The following GBP7 variants were observed in gnomAD, a reference collection of about 807,000 sequenced individuals.
GBP7 encodes the protein guanylate-binding protein 7.
A neutral mutation model predicts 61.3 loss-of-function variants in GBP7; 43 were observed. The ratio of observed to expected loss-of-function variants is 0.70; its 90% CI spans 0.55 to 0.91. GBP7 has a LOEUF of 0.91. Among genes scored for constraint, GBP7 ranks in the 40% least tolerant of loss-of-function variants. GBP7 has a pLI of 0.00. For synonymous variants in GBP7, 267 were observed against 271.0 expected, an observed-to-expected ratio of 0.99 and a Z score of 0.14; for missense variants, 717 against 740.5, an observed-to-expected ratio of 0.97 and a Z score of 0.37.
In GBP7 at chr1:89,174,467, G is replaced by A. The variant is rs534011562; in HGVS notation, c.-20+1454C>T. 3.9e-5 allele frequency among the ~76,000 whole-genome samples: 6 copies of A among 152,220 alleles called. No homozygotes were observed. The South Asian group carries it at 1.2e-3, about 32-fold the overall frequency. On this transcript the variant is annotated intron_variant, in intron 1 of 10. Transcript: ENST00000294671. The stretch of plus-strand genomic sequence containing the variant: ...AAAATTTCCTTTGGAAGCTTTTCAC[G>A]TTCACATTTAGATCTTTGGACTGAG...
At chr1:89,174,139 T>C (rs753303886) in intron 1 of GBP7, among the ~76,000 whole-genome samples, 86 of 152,228 alleles carry the variant, frequency 5.6e-4, no homozygotes, top group Non-Finnish European at 9.8e-4. Context: ...ATTCAATCAC[T>C]CTTCAATGTA....
At position 89,148,205 on chromosome 1, in the gene GBP7, G is replaced by A. The variant is rs12755980; in HGVS notation, c.1153-426C>T. Among the ~76,000 whole-genome samples, 56 of 152,312 alleles carry A rather than the reference G, an allele frequency of 3.7e-4. 6 individuals are homozygous for A. Among genetic ancestry groups the A allele is most frequent in the Admixed American group, 9.2e-4 (14 of 15,290 alleles). ...ATTCTTCCAAAAAGGATCTTAAAAT[G>A]TGAAGATATGGGAACATTATTATCT... On this transcript the variant is annotated intron_variant, in intron 7 of 10. Transcript: ENST00000294671.
intron 7 of GBP7, 30 bp downstream of exon 7, chr1:89,149,262 A>C: frequency 6.4e-7 from 1 of 1,567,580 alleles, no homozygotes. Context: ...AAAGGCAGGA[A>C]TCAAGAAAAA....
intron 2 of GBP7, among the ~76,000 whole-genome samples, chr1:89,165,125 T>G (rs1435905352): frequency 6.6e-6 from 1 of 152,220 alleles, no homozygotes; most frequent in Non-Finnish European, 1.5e-5. Flanking sequence ...TGCTATGGTC[T>G]GAAGTTAGTC....
chr1:89,154,113 A>C (rs1682262197), intron 3 of GBP7, among the ~76,000 whole-genome samples: 1 of 152,214 alleles, frequency 6.6e-6, no homozygotes, highest in Non-Finnish European at 1.5e-5. Flanking sequence ...AAGGCCAACA[A>C]GTAATTTTGC....
Position 89,141,998 on chromosome 1 carries a change from C to T in GBP7, c.1366-350G>A, listed in dbSNP as rs534895751. 2.4e-4 allele frequency among the ~76,000 whole-genome samples: 36 copies of T among 152,272 alleles called. 1 individual carries two copies. The South Asian group carries it at 7.5e-3, about 32-fold the overall frequency. ...TTTCTTTTTTCTTTTGCCTGAAGGC[C>T]TGCCTACCCTTTTCAAATTAGGATA... is the stretch of plus-strand genomic sequence containing the variant. On this transcript the variant is annotated intron_variant, in intron 8 of 10. Coordinates refer to ENST00000294671, the MANE Select transcript of GBP7 (RefSeq NM_207398.3).
Position 89,173,568 on chromosome 1 carries a change from G to C in GBP7, c.-19-1614C>G, listed in dbSNP as rs374043949. Among the ~76,000 whole-genome samples, 19 of 152,146 alleles carry C rather than the reference G, an allele frequency of 1.2e-4. 2 individuals carry two copies. The highest frequency in any genetic ancestry group is 1.2e-3 in the East Asian group (6 of 5,192). The stretch of plus-strand genomic sequence containing the variant: ...TTACTTCCTATAGAAAATTATTAGT[G>C]TACAGTTCTTTTGGTCTTTAGCCTT... On this transcript the variant is annotated intron_variant, in intron 1 of 10. Transcript: ENST00000294671.
intron 5 of GBP7, 129 bp from the exon 6 acceptor site, chr1:89,150,704 A>G: frequency 1.1e-6 from 1 of 932,432 alleles, no homozygotes; most frequent in Non-Finnish European, 1.6e-6. Context: ...TATGTAATCA[A>G]ACCTCTCATG....
chr1:89,152,663 G>C lies in GBP7; in HGVS notation c.428+5C>G, dbSNP rs146370299. On this transcript the variant is annotated splice_donor_5th_base_variant and intron_variant, in intron 4 of 10. Coordinates refer to ENST00000294671, the MANE Select transcript of GBP7 (RefSeq NM_207398.3). ...AACCTGGCTCTTCACTTCCTGGAAGGATACTGCAGCTGCTCCAGGGCCTGG... is the reference window on the plus strand; with the variant it reads ...AACCTGGCTCTTCACTTCCTGGAAGCATACTGCAGCTGCTCCAGGGCCTGG... 8 of 1,610,460 alleles carry C rather than the reference G, an allele frequency of 5.0e-6. No homozygotes were observed. Among genetic ancestry groups the C allele is most frequent in the Non-Finnish European group, 6.8e-6 (8 of 1,178,804 alleles).
At chr1:89,173,917 C>T in intron 1 of GBP7, among the ~76,000 whole-genome samples, 1 of 152,186 alleles carries the variant, frequency 6.6e-6, no homozygotes, top group African/African-American at 2.4e-5. Context: ...TCCCACCCAT[C>T]CTCCATAGAT....
intron 1 of GBP7, among the ~76,000 whole-genome samples, chr1:89,173,545 A>G (rs1647662448): frequency 6.6e-6 from 1 of 152,202 alleles, no homozygotes; most frequent in Non-Finnish European, 1.5e-5. Context: ...AAATAAATTT[A>G]CTTCCTATAG....
In GBP7 at chr1:89,149,400, T is replaced by C; in HGVS notation, c.1044A>G (p.Thr348=). ...MAQQVRFPTD[T]LQELLDVHAV... Reference sequence around the variant, plus strand: ...CATGCACGTCCAGCAGCTCCTGGAGTGTGTCTGTGGGGAATCTCACTTGCT... The same window carrying C: ...CATGCACGTCCAGCAGCTCCTGGAGCGTGTCTGTGGGGAATCTCACTTGCT... Residue 348 remains threonine (T), a synonymous_variant, in exon 7 of 11, where the codon ACA becomes ACG. Transcript: ENST00000294671. 1.2e-6 allele frequency: 2 copies of C among 1,613,844 alleles called. No homozygotes were observed. The highest frequency in any genetic ancestry group is 1.7e-6 in the Non-Finnish European group (2 of 1,179,948).
chr1:89,147,606 A>G lies in GBP7; in HGVS notation c.1326T>C (p.Ile442=). The G allele has an allele frequency of 6.2e-7, 1 of 1,614,094 alleles. No individual in the cohort carries two copies. Among genetic ancestry groups the G allele is most frequent in the Non-Finnish European group, 8.5e-7 (1 of 1,179,966 alleles). The change falls in exon 8 of 11, where the codon ATT becomes ATC. Residue 442 remains isoleucine, a synonymous_variant. Transcript: ENST00000294671. ...TGGGCACTAGTGTATAGTCCTGTTCAATCTTCTTTTTTGCTTCTAAGTAGA... is the reference window on the plus strand; with the variant it reads ...TGGGCACTAGTGTATAGTCCTGTTCGATCTTCTTTTTTGCTTCTAAGTAGA... ...HNIYLEAKKK[I]EQDYTLVPRK... is the part of the protein sequence containing the mutation.
chr1:89,174,951 A>G (rs1647700827), intron 1 of GBP7, among the ~76,000 whole-genome samples: 2 of 152,192 alleles, frequency 1.3e-5, no homozygotes, highest in South Asian at 4.1e-4. Flanking sequence ...TAGCATATGC[A>G]CAATTGTAAT....
chr1:89,142,175 TTAAAACC>T (rs1461474961), intron 8 of GBP7, among the ~76,000 whole-genome samples: 1 of 151,410 alleles, frequency 6.6e-6, no homozygotes, highest in Non-Finnish European at 1.5e-5. Context: ...ATTTAAAAAG[TTAAAACC>T]TTAAAAAGAC....
chr1:89,173,285 T>C (rs1040982254), intron 1 of GBP7, among the ~76,000 whole-genome samples: 19 of 152,232 alleles, frequency 1.2e-4, no homozygotes, highest in African/African-American at 4.6e-4. Context: ...AAGAAATATA[T>C]GTATGTATAC....
chr1:89,147,309 A>G (rs1387621646), intron 8 of GBP7, among the ~76,000 whole-genome samples: 3 of 152,264 alleles, frequency 2.0e-5, no homozygotes, highest in African/African-American at 7.2e-5. Context: ...CACAAAAACT[A>G]TCACATTATT....
intron 3 of GBP7, among the ~76,000 whole-genome samples, chr1:89,155,117 A>G (rs571507876): frequency 2.6e-5 from 4 of 152,380 alleles, no homozygotes; most frequent in Admixed American, 1.3e-4. Flanking sequence ...AGCAAACTCC[A>G]ACAGACCTGC....
In GBP7 at chr1:89,150,585, T is replaced by C. The variant is rs150206605; in HGVS notation, c.626-10A>G. ...ATTTGGGGATTCTTGCCTGCAGAATTAGTGAAAAAGTGACTACTGAAGAAC... is the reference window on the plus strand; with the variant it reads ...ATTTGGGGATTCTTGCCTGCAGAATCAGTGAAAAAGTGACTACTGAAGAAC... On this transcript the variant is annotated splice_polypyrimidine_tract_variant and intron_variant, in intron 5 of 10. Coordinates refer to ENST00000294671, the MANE Select transcript of GBP7 (RefSeq NM_207398.3). The C allele has an allele frequency of 1.2e-6, 2 of 1,612,430 alleles. No individual in the cohort carries two copies. Among genetic ancestry groups the C allele is most frequent in the Non-Finnish European group, 1.7e-6 (2 of 1,179,078 alleles).
Sources: gnomAD v4.1 joint callset for allele counts (sites outside exome capture counted in the v4.1 genomes callset) on GRCh38, gnomAD v4.1.1 for gene constraint, MANE v1.5 for transcripts, NCBI Gene and HGNC (gene_info 2026-07-23, HGNC 2026-07-21) for gene names.